SVBP: variants seen among roughly 807,000 people sequenced by gnomAD.
SVBP encodes small vasohibin-binding protein.
In SVBP, 9 loss-of-function variants were observed where a neutral mutation model predicts 9.2. The ratio of observed to expected loss-of-function variants is 0.98; its 90% CI spans 0.59 to 1.71. SVBP has a LOEUF of 1.71. Ranked by LOEUF, SVBP falls within the 40% of genes most tolerant of loss-of-function variation. SVBP has a pLI of 0.00. For synonymous variants in SVBP, 27 were observed against 23.9 expected (o/e 1.13, Z -0.37); for missense variants, 63 against 73.2 (o/e 0.86, Z 0.51).
At chr1:42,811,547 A>G (rs1654084625) in intron 2 of SVBP, among the ~76,000 whole-genome samples, 1 of 152,194 alleles carries the variant, frequency 6.6e-6, no homozygotes, top group South Asian at 2.1e-4. Flanking sequence ...GGGTCCACAC[A>G]ATAAGAGCAG....
rs767112660 is a variant in SVBP at position 42,816,417 on chromosome 1, C to T, written c.114+14G>A. 2 of 1,569,390 alleles carry T rather than the reference C, an allele frequency of 1.3e-6. No individual in the cohort carries two copies. The highest frequency in any genetic ancestry group is 1.4e-5 in the African/African-American group (1 of 74,036). On this transcript the variant is annotated intron_variant, in intron 2 of 2. Transcript: ENST00000372521. ...GCAGACTACAGGCATACAGAGCCTC[C>T]GCCTTAATCTCACCTCTGCTCTTTG...
chr1:42,816,614 C>A, intron 1 of SVBP, 34 bp from the exon 2 acceptor site: 1 of 1,050,050 alleles, frequency 9.5e-7, no homozygotes, highest in African/African-American at 1.6e-5. Context: ...ATCTTCAAAA[C>A]AAAACAAAAC....
intron 2 of SVBP, among the ~76,000 whole-genome samples, chr1:42,812,362 C>A (rs1326920126): frequency 2.0e-5 from 3 of 152,184 alleles, no homozygotes; most frequent in Non-Finnish European, 4.4e-5. Flanking sequence ...CTGTGCCCTG[C>A]GGCCAAACAC....
At chr1:42,815,187 G>C (rs565562951) in intron 2 of SVBP, among the ~76,000 whole-genome samples, 1 of 136,260 alleles carries the variant, frequency 7.3e-6, no homozygotes, top group African/African-American at 2.8e-5. Flanking sequence ...TTGGACACAG[G>C]AAGGGGAACA....
At chr1:42,809,196 C>T (rs959416909) in intron 2 of SVBP, 5 of 151,840 alleles carry the variant, frequency 3.3e-5, no homozygotes, top group African/African-American at 1.2e-4. Flanking sequence ...CCACTAAGAA[C>T]AGAAACAGAT....
chr1:42,812,930 G>A (rs1159943628), intron 2 of SVBP, among the ~76,000 whole-genome samples: 1 of 151,942 alleles, frequency 6.6e-6, no homozygotes, highest in African/African-American at 2.4e-5. Context: ...TAGCAAAGAG[G>A]TACTTACTTT....
chr1:42,817,299 C>T lies in SVBP; in HGVS notation c.-146G>A, dbSNP rs938176621. On this transcript the variant is annotated 5_prime_UTR_variant, in exon 1 of 3. Transcript: ENST00000372521. ...ACCACTGGACCCAGCGCTGCCTGCC[C>T]ACCGCCCCTCGTCCTGGGCGGGGCC... 4 of 1,198,198 alleles carry T rather than the reference C, an allele frequency of 3.3e-6. No individual in the cohort carries two copies. The highest frequency in any genetic ancestry group is 4.3e-6 in the Non-Finnish European group (4 of 931,538). 74.2% of individuals were successfully genotyped at this position (1,198,198 alleles called of 1,614,324 possible).
intron 2 of SVBP, among the ~76,000 whole-genome samples, chr1:42,810,946 C>A (rs1243428157): frequency 6.6e-6 from 1 of 152,140 alleles, no homozygotes; most frequent in African/African-American, 2.4e-5. Flanking sequence ...TCGAGACCAG[C>A]CTGACCAACA....
chr1:42,812,341 TCCATAAAGGTCTGTGCCCTG>T (rs1464303084), intron 2 of SVBP, among the ~76,000 whole-genome samples: 1 of 152,246 alleles, frequency 6.6e-6, no homozygotes, highest in Non-Finnish European at 1.5e-5. Context: ...AGCGAGGACT[TCCATAAAGGTCTGTGCCCTG>T]CGGCCAAACA....
intron 2 of SVBP, among the ~76,000 whole-genome samples, chr1:42,815,113 T>TCC (rs2124253414): frequency 6.8e-6 from 1 of 148,022 alleles, no homozygotes; most frequent in East Asian, 2.0e-4. Context: ...CAAACTATCG[T>TCC]AAGAACAAAA....
Position 42,807,269 on chromosome 1 carries a change from A to T in SVBP, c.*145T>A, listed in dbSNP as rs1653979721. ...AGATGGGAGGAACCAGTGAAGTTAGAAGTTACACACAGGAAGTGAGTTCAG... is the reference window on the plus strand; with the variant it reads ...AGATGGGAGGAACCAGTGAAGTTAGTAGTTACACACAGGAAGTGAGTTCAG... On this transcript the variant is annotated 3_prime_UTR_variant, in exon 3 of 3. Coordinates refer to ENST00000372521, the MANE Select transcript of SVBP (RefSeq NM_199342.4). 5.9e-6 allele frequency: 3 copies of T among 505,270 alleles called. No homozygotes were observed. Among genetic ancestry groups the T allele is most frequent in the Non-Finnish European group, 1.1e-5 (3 of 280,152 alleles). 31.3% of individuals were successfully genotyped at this position (505,270 alleles called of 1,614,324 possible).
chr1:42,810,663 G>C (rs1223799961), intron 2 of SVBP, among the ~76,000 whole-genome samples: 1 of 152,084 alleles, frequency 6.6e-6, no homozygotes, highest in Non-Finnish European at 1.5e-5. Flanking sequence ...AGTCAAGAAG[G>C]AAACGGACCC....
At chr1:42,810,147 C>T (rs539133902) in intron 2 of SVBP, among the ~76,000 whole-genome samples, 1 of 149,368 alleles carries the variant, frequency 6.7e-6, no homozygotes, top group African/African-American at 2.6e-5. Context: ...CACACACACA[C>T]ACACACATAT....
At position 42,807,382 on chromosome 1, in the gene SVBP, C is replaced by A; in HGVS notation, c.*32G>T. Reference sequence around the variant, plus strand: ...AAACTGGCAACACCCTCTCAAAGCTCTCAGGATCCCATCTGGTTTGAACCT... The same window carrying A: ...AAACTGGCAACACCCTCTCAAAGCTATCAGGATCCCATCTGGTTTGAACCT... On this transcript the variant is annotated 3_prime_UTR_variant, in exon 3 of 3. Transcript: ENST00000372521. The A allele has an allele frequency of 6.4e-7, 1 of 1,563,390 alleles. No homozygotes were observed. Among genetic ancestry groups the A allele is most frequent in the South Asian group, 1.1e-5 (1 of 89,900 alleles).
At chr1:42,814,258 A>T (rs1654149379) in intron 2 of SVBP, among the ~76,000 whole-genome samples, 1 of 149,692 alleles carries the variant, frequency 6.7e-6, no homozygotes, top group Non-Finnish European at 1.5e-5. Context: ...TTTTTTTTTT[A>T]GTAGAGACAG....
chr1:42,808,215 A>T (rs1267233520), intron 2 of SVBP, among the ~76,000 whole-genome samples: 3 of 142,272 alleles, frequency 2.1e-5, no homozygotes, highest in Non-Finnish European at 3.0e-5. Flanking sequence ...TATATAAGTT[A>T]TAAGTAGAGT....
In SVBP at chr1:42,807,479, T is replaced by C; in HGVS notation, c.136A>G (p.Met46Val). ...AACTGCTGCTGCTCCAGTTCTGTCA[T>C]GACTCTGTTGAGGGCATAGATCTGA... ...RAEIYALNRV[M>V]TELEQQQFDE... The change falls in exon 3 of 3, where the codon ATG becomes GTG. Residue 46 changes from methionine (M) to valine (V), a missense_variant. Met to Val is a conservative substitution (Grantham distance 21). Coordinates refer to ENST00000372521, the MANE Select transcript of SVBP (RefSeq NM_199342.4). 1.2e-6 allele frequency: 2 copies of C among 1,613,872 alleles called. No individual in the cohort carries two copies. The highest frequency in any genetic ancestry group is 1.1e-5 in the South Asian group (1 of 91,070).
intron 2 of SVBP, 68 bp from the exon 3 acceptor site, chr1:42,807,568 C>G: frequency 1.7e-6 from 2 of 1,190,054 alleles, no homozygotes; most frequent in Non-Finnish European, 1.3e-6. Flanking sequence ...TCTGACATAA[C>G]AGGTGGTGCC....
intron 2 of SVBP, among the ~76,000 whole-genome samples, chr1:42,815,602 T>A (rs966549630): frequency 6.6e-6 from 1 of 152,014 alleles, no homozygotes; most frequent in African/African-American, 2.4e-5. Context: ...ATAAATATAC[T>A]AAGTAAAATG....
Sources: allele counts gnomAD v4.1 joint callset (sites outside exome capture counted in the v4.1 genomes callset), GRCh38; gene constraint gnomAD v4.1.1; transcripts MANE v1.5; gene names NCBI Gene and HGNC (gene_info 2026-07-23, HGNC 2026-07-21).